The following NALCN variants were observed in gnomAD, a reference collection of about 807,000 sequenced individuals.
NALCN encodes the protein sodium leak channel NALCN.
In NALCN, 111 loss-of-function variants were observed where a neutral mutation model predicts 225.3. That is an observed-to-expected ratio of 0.49 (90% CI 0.42 to 0.58). The LOEUF (loss-of-function observed/expected upper bound fraction) is 0.58, where lower values mean the gene tolerates loss of function less well. NALCN is among the 20% of genes least tolerant of loss of function. NALCN has a pLI of 0.00. For synonymous variants in NALCN, 764 were observed against 769.0 expected (o/e 0.99, Z 0.11); for missense variants, 1,378 against 2,202.4 (o/e 0.63, Z 7.49).
chr13:101,317,525 T>G (rs1318229698), intron 7 of NALCN, among the ~76,000 whole-genome samples: 2 of 152,214 alleles, frequency 1.3e-5, no homozygotes, highest in African/African-American at 4.8e-5. Context: ...GGATCCCTGA[T>G]TAATTTCCTA....
chr13:101,177,458 C>T lies in NALCN; in HGVS notation c.1765-1084G>A, dbSNP rs756309068. 2.4e-3 allele frequency among the ~76,000 whole-genome samples: 314 copies of T among 133,278 alleles called. 4 individuals carry two copies. The highest frequency in any genetic ancestry group is 4.0e-3 in the Middle Eastern group (1 of 252). 87.4% of individuals were successfully genotyped at this position (133,278 alleles called of 152,430 possible). ...GGTAGAAGCTCAACTATGCATATAA[C>T]GGAGTAATAGAGAAAATGCTTGAAG... On this transcript the variant is annotated intron_variant, in intron 14 of 43. Coordinates refer to ENST00000251127, the MANE Select transcript of NALCN (RefSeq NM_052867.4).
At chr13:101,360,331 C>G (rs1240549369) in intron 6 of NALCN, among the ~76,000 whole-genome samples, 1 of 151,660 alleles carries the variant, frequency 6.6e-6, no homozygotes, top group African/African-American at 2.4e-5. Flanking sequence ...CCTCCCGGCT[C>G]CAACGATTCT....
chr13:101,294,101 T>C (rs1450195666), intron 7 of NALCN, among the ~76,000 whole-genome samples: 1 of 152,152 alleles, frequency 6.6e-6, no homozygotes, highest in Non-Finnish European at 1.5e-5. Context: ...AGGTGGAAAG[T>C]GGTAGAACCA....
At chr13:101,205,538 C>T (rs985195671) in intron 13 of NALCN, among the ~76,000 whole-genome samples, 4 of 152,060 alleles carry the variant, frequency 2.6e-5, no homozygotes, top group Admixed American at 6.6e-5. Flanking sequence ...TACTTCCCAC[C>T]GATTATGTTA....
chr13:101,231,527 T>A lies in NALCN; in HGVS notation c.1435-1943A>T, dbSNP rs2041348767. 2.0e-5 allele frequency among the ~76,000 whole-genome samples: 3 copies of A among 152,176 alleles called. No homozygotes were observed. The South Asian group carries it at 6.2e-4, about 31-fold the overall frequency. ...AGATGTCACCAATTTTGTATGTAGCTCTAAGAAATAAAAAAATGCTGCCAA... is the reference window on the plus strand; with the variant it reads ...AGATGTCACCAATTTTGTATGTAGCACTAAGAAATAAAAAAATGCTGCCAA... On this transcript the variant is annotated intron_variant, in intron 12 of 43. Transcript: ENST00000251127.
chr13:101,209,003 T>C (rs1266559532), intron 13 of NALCN, among the ~76,000 whole-genome samples: 1 of 152,230 alleles, frequency 6.6e-6, no homozygotes, highest in Non-Finnish European at 1.5e-5. Flanking sequence ...CCCTAAGTCA[T>C]ACACTTCTAG....
At chr13:101,230,968 T>C (rs1053693891) in intron 12 of NALCN, among the ~76,000 whole-genome samples, 3 of 152,200 alleles carry the variant, frequency 2.0e-5, no homozygotes, top group East Asian at 3.9e-4. Flanking sequence ...TGTTTAGATA[T>C]ACAAATACTT....
chr13:101,269,969 A>G (rs752533852), intron 10 of NALCN, among the ~76,000 whole-genome samples: 3 of 152,204 alleles, frequency 2.0e-5, no homozygotes, highest in South Asian at 4.1e-4. Flanking sequence ...TCCTTCCACA[A>G]TAATTTTCTC....
At chr13:101,061,937 G>A in intron 41 of NALCN, 31 bp downstream of exon 41, 1 of 1,596,302 alleles carries the variant, frequency 6.3e-7, no homozygotes, top group Non-Finnish European at 8.5e-7. Context: ...GCGGGGCGGG[G>A]ACCCAACCTG....
At chr13:101,361,170 T>G (rs57584247) in intron 6 of NALCN, among the ~76,000 whole-genome samples, 7,383 of 152,248 alleles carry the variant, frequency 0.048, 603 homozygotes, top group African/African-American at 0.17. Flanking sequence ...AAATTTACTC[T>G]TGGTGCTGCT....
At chr13:101,336,577 T>C (rs1238868838) in intron 7 of NALCN, among the ~76,000 whole-genome samples, 2 of 152,222 alleles carry the variant, frequency 1.3e-5, no homozygotes, top group Non-Finnish European at 2.9e-5. Context: ...AAAATCCACA[T>C]GTTAACTCCT....
intron 14 of NALCN, among the ~76,000 whole-genome samples, chr13:101,188,461 G>A (rs767286090): frequency 6.6e-6 from 1 of 152,020 alleles, no homozygotes; most frequent in Non-Finnish European, 1.5e-5. Context: ...CTGGAGCAGT[G>A]CTTTGCAAAC....
At chr13:101,272,255 A>G (rs747021322) in intron 10 of NALCN, among the ~76,000 whole-genome samples, 25 of 151,424 alleles carry the variant, frequency 1.7e-4, no homozygotes, top group Non-Finnish European at 7.4e-5. Flanking sequence ...ATGTGTGTGT[A>G]CACATGCATG....
intron 6 of NALCN, among the ~76,000 whole-genome samples, chr13:101,352,448 G>A (rs2045933585): frequency 6.6e-6 from 1 of 151,288 alleles, no homozygotes; most frequent in African/African-American, 2.4e-5. Context: ...TTGCATATGA[G>A]AGAGAGAGAG....
chr13:101,080,329 C>T (rs2139500538), intron 34 of NALCN, among the ~76,000 whole-genome samples: 1 of 152,068 alleles, frequency 6.6e-6, no homozygotes, highest in Middle Eastern at 3.4e-3. Flanking sequence ...TGAAGATATG[C>T]TGTAAATGTA....
intron 22 of NALCN, 118 bp downstream of exon 22, chr13:101,107,369 G>T: frequency 1.3e-6 from 2 of 1,518,728 alleles, no homozygotes; most frequent in Non-Finnish European, 1.8e-6. Context: ...TGATTAATTA[G>T]TCCGCAGTTT....
chr13:101,354,148 A>G (rs1394765681), intron 6 of NALCN, among the ~76,000 whole-genome samples: 15 of 152,198 alleles, frequency 9.9e-5, no homozygotes. Flanking sequence ...ATTCGAGACC[A>G]GCCTGGCCAA....
Position 101,103,351 on chromosome 13 carries a change from C to T in NALCN, c.2890-12G>A. ...AATATCAAGCTCACCTAAAGGGGAACAAATGATCTCTGGAATTTATACAAT... is the reference window on the plus strand; with the variant it reads ...AATATCAAGCTCACCTAAAGGGGAATAAATGATCTCTGGAATTTATACAAT... On this transcript the variant is annotated splice_polypyrimidine_tract_variant and intron_variant, in intron 25 of 43. Transcript: ENST00000251127. 6.3e-7 allele frequency: 1 copy of T among 1,596,696 alleles called. No homozygotes were observed.
At chr13:101,201,003 A>G (rs948579296) in intron 13 of NALCN, among the ~76,000 whole-genome samples, 5 of 152,192 alleles carry the variant, frequency 3.3e-5, no homozygotes, top group Non-Finnish European at 5.9e-5. Context: ...TAGAGTAAGT[A>G]GAATATATAG....
Sources: gnomAD v4.1 joint callset for allele counts (sites outside exome capture counted in the v4.1 genomes callset) on GRCh38, gnomAD v4.1.1 for gene constraint, MANE v1.5 for transcripts, NCBI Gene and HGNC (gene_info 2026-07-23, HGNC 2026-07-21) for gene names.